TENM4: variants seen among roughly 807,000 people sequenced by gnomAD.
TENM4 encodes teneurin transmembrane protein 4.
Under a neutral mutation model 243.3 loss-of-function variants are expected in TENM4, and 82 were observed. That is an observed-to-expected ratio of 0.34 (90% CI 0.28 to 0.40). TENM4 has a LOEUF of 0.40. Ranked by LOEUF, TENM4 falls within the 10% of genes least tolerant of loss-of-function variation. The probability of loss-of-function intolerance (pLI) is 1.00; values close to 1 mark genes in which losing one functional copy is unlikely to be tolerated. For synonymous variants in TENM4, 1,412 were observed against 1,456.3 expected (o/e 0.97, Z 0.69); for missense variants, 3,138 against 3,673.3 (o/e 0.85, Z 3.77).
intron 22 of TENM4, among the ~76,000 whole-genome samples, chr11:78,727,633 A>T (rs1855547697): frequency 6.6e-6 from 1 of 152,188 alleles, no homozygotes; most frequent in South Asian, 2.1e-4. Flanking sequence ...TACTTTTAAA[A>T]AGCTGGAAGT....
At chr11:79,312,705 A>G (rs1470079553) in intron 1 of TENM4, among the ~76,000 whole-genome samples, 1 of 152,196 alleles carries the variant, frequency 6.6e-6, no homozygotes, top group Non-Finnish European at 1.5e-5. Context: ...CAAGCACTCA[A>G]TTAGCATGTG....
At chr11:79,084,913 A>T (rs1860769259) in intron 4 of TENM4, among the ~76,000 whole-genome samples, 6 of 152,180 alleles carry the variant, frequency 3.9e-5, no homozygotes, top group Admixed American at 3.3e-4. Flanking sequence ...AGATGAGTGG[A>T]TTGTATCAAC....
At chr11:79,112,811 G>A (rs2137109965) in intron 4 of TENM4, among the ~76,000 whole-genome samples, 1 of 152,120 alleles carries the variant, frequency 6.6e-6, no homozygotes, top group Middle Eastern at 3.4e-3. Context: ...TTTCTTCAAG[G>A]CAGAGCCCCA....
chr11:79,163,807 A>G (rs1862815139), intron 3 of TENM4, among the ~76,000 whole-genome samples: 1 of 142,892 alleles, frequency 7.0e-6, no homozygotes, highest in South Asian at 2.2e-4. Context: ...ACATATATAT[A>G]CACATATATA....
At chr11:78,696,692 C>T (rs1186108150) in intron 28 of TENM4, among the ~76,000 whole-genome samples, 6 of 152,158 alleles carry the variant, frequency 3.9e-5, no homozygotes, top group Non-Finnish European at 7.4e-5. Flanking sequence ...CACAGTTCAG[C>T]CCTTGGGTCC....
In TENM4 at chr11:78,903,542, G is replaced by C. The variant is rs755372329; in HGVS notation, c.494-19C>G. ...GGATGATCTAGGGCACAAACATGGCGGTCAGCGGCGGTGAGCTTGGTGCTG... is the reference window on the plus strand; with the variant it reads ...GGATGATCTAGGGCACAAACATGGCCGTCAGCGGCGGTGAGCTTGGTGCTG... On this transcript the variant is annotated intron_variant, in intron 6 of 33. Coordinates refer to ENST00000278550, the MANE Select transcript of TENM4 (RefSeq NM_001098816.3). 1.9e-6 allele frequency: 3 copies of C among 1,543,234 alleles called. No homozygotes were observed. Among genetic ancestry groups the C allele is most frequent in the Admixed American group, 3.9e-5 (2 of 50,826 alleles).
At chr11:79,171,042 A>G (rs1462244851) in intron 3 of TENM4, among the ~76,000 whole-genome samples, 1 of 152,148 alleles carries the variant, frequency 6.6e-6, no homozygotes, top group Non-Finnish European at 1.5e-5. Context: ...CGTGAGTATG[A>G]TGTTGAAGCA....
In TENM4 at chr11:79,246,337, T is replaced by G. The variant is rs529395506; in HGVS notation, c.-264-30428A>C. ...AGAGTTGTTTCCTTACAGCATAAGT[T>G]AATGAAAAGACAAGTCAGCAAACTT... On this transcript the variant is annotated intron_variant, in intron 2 of 33. Transcript: ENST00000278550. 7.9e-5 allele frequency among the ~76,000 whole-genome samples: 12 copies of G among 152,258 alleles called. No individual in the cohort carries two copies. The South Asian group carries it at 2.1e-3, about 26-fold the overall frequency.
chr11:78,852,927 T>TTA (rs1858575667), intron 12 of TENM4, among the ~76,000 whole-genome samples: 2 of 116,704 alleles, frequency 1.7e-5, no homozygotes, highest in African/African-American at 7.1e-5. Context: ...TTTTAATATT[T>TTA]TTTTTTGTAG....
chr11:78,940,405 C>T (rs866490669), intron 6 of TENM4, among the ~76,000 whole-genome samples: 2 of 152,148 alleles, frequency 1.3e-5, no homozygotes, highest in African/African-American at 2.4e-5. Flanking sequence ...GGCTAAGTCC[C>T]ACATTAAACA....
At chr11:79,200,566 C>T (rs1347149552) in intron 3 of TENM4, among the ~76,000 whole-genome samples, 1 of 152,248 alleles carries the variant, frequency 6.6e-6, no homozygotes, top group Non-Finnish European at 1.5e-5. Context: ...CTCCTCATCA[C>T]TGTGTGGCCA....
chr11:79,089,845 T>C (rs1005955003), intron 4 of TENM4, among the ~76,000 whole-genome samples: 1 of 152,182 alleles, frequency 6.6e-6, no homozygotes, highest in African/African-American at 2.4e-5. Flanking sequence ...TTGTGTGCTG[T>C]TGTGTTGCCA....
intron 18 of TENM4, among the ~76,000 whole-genome samples, chr11:78,764,322 A>T (rs968130036): frequency 6.6e-6 from 1 of 152,226 alleles, no homozygotes; most frequent in Non-Finnish European, 1.5e-5. Context: ...AATTTGGTCC[A>T]TTATCTTTCT....
chr11:79,141,852 A>G (rs940786203), intron 4 of TENM4, among the ~76,000 whole-genome samples: 1 of 152,168 alleles, frequency 6.6e-6, no homozygotes, highest in Non-Finnish European at 1.5e-5. Context: ...TACAAAAATC[A>G]ATCAATGTGA....
chr11:78,762,357 A>G (rs1856449903), intron 18 of TENM4, among the ~76,000 whole-genome samples: 1 of 152,240 alleles, frequency 6.6e-6, no homozygotes, highest in African/African-American at 2.4e-5. Context: ...ATTACATGAC[A>G]ACCCTTTCTG....
At chr11:79,220,791 A>C (rs929664845) in intron 2 of TENM4, among the ~76,000 whole-genome samples, 3 of 152,140 alleles carry the variant, frequency 2.0e-5, no homozygotes, top group Admixed American at 1.3e-4. Flanking sequence ...AATTCTCAGC[A>C]CATAGTTCTT....
intron 9 of TENM4, among the ~76,000 whole-genome samples, chr11:78,865,113 T>C (rs1242090150): frequency 1.3e-5 from 2 of 152,192 alleles, no homozygotes; most frequent in Admixed American, 6.5e-5. Context: ...AGAAGGTTAA[T>C]TAAAATTAAG....
chr11:78,889,462 T>C (rs939823856), intron 9 of TENM4, among the ~76,000 whole-genome samples: 8 of 152,180 alleles, frequency 5.3e-5, no homozygotes, highest in Admixed American at 1.3e-4. Flanking sequence ...TCCATGACAC[T>C]TATGCCATAG....
chr11:79,001,483 C>A (rs904244902), intron 6 of TENM4, among the ~76,000 whole-genome samples: 2 of 151,954 alleles, frequency 1.3e-5, no homozygotes, highest in Non-Finnish European at 2.9e-5. Context: ...GGAGACCCCC[C>A]CCAAATCCCA....
Sources: allele counts gnomAD v4.1 joint callset (sites outside exome capture counted in the v4.1 genomes callset), GRCh38; gene constraint gnomAD v4.1.1; transcripts MANE v1.5; gene names NCBI Gene and HGNC (gene_info 2026-07-23, HGNC 2026-07-21).